The following CPPED1 variants were observed in gnomAD, a reference collection of about 807,000 sequenced individuals.
The protein encoded by CPPED1 is serine/threonine-protein phosphatase CPPED1.
Under a neutral mutation model 28.0 loss-of-function variants are expected in CPPED1, and 28 were observed. The ratio of observed to expected loss-of-function variants is 1.00; its 90% CI spans 0.74 to 1.37. CPPED1 has a LOEUF of 1.37. Ranked by LOEUF, CPPED1 falls within the 40% of genes most tolerant of loss-of-function variation. CPPED1 has a pLI of 0.00. For missense variants in CPPED1, 504 were observed against 416.5 expected, an observed-to-expected ratio of 1.21 and a Z score of -1.83; for synonymous variants, 198 against 180.2, an observed-to-expected ratio of 1.10 and a Z score of -0.79.
chr16:12,705,933 T>C (rs999864457), intron 2 of CPPED1, among the ~76,000 whole-genome samples: 1 of 152,214 alleles, frequency 6.6e-6, no homozygotes, highest in Admixed American at 6.5e-5. Flanking sequence ...TGTATATTTG[T>C]TTCTGAGAGA....
At chr16:12,735,281 C>A (rs552504013) in intron 2 of CPPED1, among the ~76,000 whole-genome samples, 2 of 152,124 alleles carry the variant, frequency 1.3e-5, no homozygotes, top group Non-Finnish European at 2.9e-5. Flanking sequence ...ATCCAATGGC[C>A]CCTTCCCCAA....
chr16:12,740,838 G>A (rs773806476), intron 2 of CPPED1, among the ~76,000 whole-genome samples: 3 of 152,188 alleles, frequency 2.0e-5, no homozygotes, highest in African/African-American at 7.2e-5. Flanking sequence ...AAAGCCCCTG[G>A]TCCGGGAGGG....
At chr16:12,686,366 C>T (rs60117131) in intron 3 of CPPED1, among the ~76,000 whole-genome samples, 47 of 151,964 alleles carry the variant, frequency 3.1e-4, no homozygotes, top group Admixed American at 3.0e-3. Flanking sequence ...ACCATGTCCA[C>T]GAATCCATTT....
At chr16:12,753,310 T>C (rs537152209) in intron 2 of CPPED1, 3 of 152,144 alleles carry the variant, frequency 2.0e-5, no homozygotes, top group East Asian at 1.9e-4. Flanking sequence ...TTGGGTGAAA[T>C]TGAAACTGAT....
intron 1 of CPPED1, among the ~76,000 whole-genome samples, chr16:12,795,524 C>T (rs2141246478): frequency 6.6e-6 from 1 of 152,214 alleles, no homozygotes; most frequent in Non-Finnish European, 1.5e-5. Flanking sequence ...ATTTTTAGTA[C>T]AGATGGGGTT....
chr16:12,797,146 GA>G (rs1384592151), intron 1 of CPPED1, among the ~76,000 whole-genome samples: 1 of 152,182 alleles, frequency 6.6e-6, no homozygotes, highest in Non-Finnish European at 1.5e-5. Flanking sequence ...GGAAGGTAGA[GA>G]TGTGCTAAAG....
Position 12,704,752 on chromosome 16 carries a change from T to G in CPPED1, c.587A>C (p.His196Pro). The change falls in exon 3 of 4, where the codon CAC (histidine) becomes CCC (proline). Residue 196 changes from histidine to proline, a missense_variant. Coordinates refer to ENST00000381774, the MANE Select transcript of CPPED1 (RefSeq NM_018340.3). ...CTGGAAGACGATGGCATGCTGGCAG[T>G]GCCGCTGCCTCGCGATGCTCAGCTG... Reference protein sequence around the residue: ...DEQLSIARQRHCQHAIVFQHI... With the variant: ...DEQLSIARQRPCQHAIVFQHI... 6.2e-7 allele frequency: 1 copy of G among 1,614,208 alleles called. No individual in the cohort carries two copies. The highest frequency in any genetic ancestry group is 8.5e-7 in the Non-Finnish European group (1 of 1,180,032).
chr16:12,707,714 G>C (rs533881653), intron 2 of CPPED1, among the ~76,000 whole-genome samples: 3 of 152,274 alleles, frequency 2.0e-5, no homozygotes, highest in East Asian at 1.9e-4. Context: ...CAACAAGGAA[G>C]AGCTGGGAAT....
chr16:12,738,024 G>A (rs1050328309), intron 2 of CPPED1, among the ~76,000 whole-genome samples: 2 of 152,208 alleles, frequency 1.3e-5, no homozygotes, highest in South Asian at 2.1e-4. Context: ...CACGGTACCC[G>A]ACGCAGGTAG....
chr16:12,684,338 C>T (rs909325449), intron 3 of CPPED1, among the ~76,000 whole-genome samples: 1 of 152,112 alleles, frequency 6.6e-6, no homozygotes, highest in Non-Finnish European at 1.5e-5. Flanking sequence ...AAATGAGACC[C>T]CATCTCTACA....
intron 3 of CPPED1, among the ~76,000 whole-genome samples, chr16:12,683,385 C>A (rs192431040): frequency 1.3e-3 from 197 of 152,256 alleles, no homozygotes; most frequent in Non-Finnish European, 2.3e-3. Context: ...TCTGTCCATT[C>A]CCCTTCTCTC....
chr16:12,668,498 T>C (rs1228855334), intron 3 of CPPED1, among the ~76,000 whole-genome samples: 1 of 152,170 alleles, frequency 6.6e-6, no homozygotes, highest in Non-Finnish European at 1.5e-5. Context: ...AAACTAAACT[T>C]CATCAAAATT....
At chr16:12,803,080 C>T (rs1567310886) in intron 1 of CPPED1, among the ~76,000 whole-genome samples, 1 of 152,210 alleles carries the variant, frequency 6.6e-6, no homozygotes, top group Non-Finnish European at 1.5e-5. Context: ...TCTGTTTACG[C>T]TTCCAACAAC....
chr16:12,703,835 C>A (rs2141186446), intron 3 of CPPED1, among the ~76,000 whole-genome samples: 1 of 152,250 alleles, frequency 6.6e-6, no homozygotes, highest in East Asian at 1.9e-4. Context: ...AGGCCCATGG[C>A]AGGTGCTACC....
At chr16:12,706,820 C>G (rs554560459) in intron 2 of CPPED1, among the ~76,000 whole-genome samples, 2 of 152,284 alleles carry the variant, frequency 1.3e-5, no homozygotes, top group Non-Finnish European at 2.9e-5. Context: ...GACCCCAACT[C>G]CTGCTGCAGG....
rs1459347067 is a variant in CPPED1, at chr16:12,662,059, G to A, written c.*2827C>T. On this transcript the variant is annotated 3_prime_UTR_variant, in exon 4 of 4. Transcript: ENST00000381774. ...ACATCCGTTCTTTCTCCACCAAGAT[G>A]AGTTAGGCGACCTTGGCCACGTGAC... 6.6e-6 allele frequency: 1 copy of A among 152,218 alleles called. No individual in the cohort carries two copies. Among genetic ancestry groups the A allele is most frequent in the Non-Finnish European group, 1.5e-5 (1 of 68,066 alleles). 9.4% of individuals were successfully genotyped at this position (152,218 alleles called of 1,614,324 possible).
intron 2 of CPPED1, among the ~76,000 whole-genome samples, chr16:12,725,712 T>C (rs536884614): frequency 2.0e-5 from 3 of 152,322 alleles, no homozygotes; most frequent in African/African-American, 7.2e-5. Flanking sequence ...TCTCTCTCAG[T>C]GACCACTAGC....
chr16:12,672,928 C>T (rs1039216410), intron 3 of CPPED1, among the ~76,000 whole-genome samples: 6 of 152,098 alleles, frequency 3.9e-5, no homozygotes, highest in East Asian at 3.9e-4. Context: ...GCATAAGAAT[C>T]GCTTGAACTC....
chr16:12,755,921 T>A (rs1283614801), intron 2 of CPPED1, among the ~76,000 whole-genome samples: 1 of 151,920 alleles, frequency 6.6e-6, no homozygotes, highest in Non-Finnish European at 1.5e-5. Flanking sequence ...TCACCTGAGG[T>A]CAGGAGATGA....
Sources: allele counts gnomAD v4.1 joint callset (sites outside exome capture counted in the v4.1 genomes callset), GRCh38; gene constraint gnomAD v4.1.1; transcripts MANE v1.5; gene names NCBI Gene and HGNC (gene_info 2026-07-23, HGNC 2026-07-21).